MAPK8: variants seen among roughly 807,000 people sequenced by gnomAD.
MAPK8 encodes the protein mitogen-activated protein kinase 8.
Under a neutral mutation model 52.9 loss-of-function variants are expected in MAPK8, and 13 were observed. That is an observed-to-expected ratio of 0.25 (90% CI 0.16 to 0.39). MAPK8 has a LOEUF of 0.39. MAPK8 is among the 10% of genes least tolerant of loss of function. The pLI is 1.00. For synonymous variants in MAPK8, 191 were observed against 169.8 expected, an observed-to-expected ratio of 1.12 and a Z score of -0.97; for missense variants, 300 against 519.2, an observed-to-expected ratio of 0.58 and a Z score of 4.10.
chr10:48,329,527 A>T (rs1254247890), intron 1 of MAPK8, among the ~76,000 whole-genome samples: 5 of 152,204 alleles, frequency 3.3e-5, no homozygotes, highest in African/African-American at 1.2e-4. Flanking sequence ...TAAAAAAAAA[A>T]TTAAATTCAT....
intron 1 of MAPK8, among the ~76,000 whole-genome samples, chr10:48,363,664 G>A (rs1384496765): frequency 6.6e-6 from 1 of 152,168 alleles, no homozygotes; most frequent in Non-Finnish European, 1.5e-5. Flanking sequence ...GCAGTAGGAC[G>A]TTTTTCTTAC....
At chr10:48,311,721 G>A (rs920978231) in intron 1 of MAPK8, among the ~76,000 whole-genome samples, 1 of 152,138 alleles carries the variant, frequency 6.6e-6, no homozygotes, top group African/African-American at 2.4e-5. Flanking sequence ...AAAAATGAGG[G>A]AGATTATTTA....
intron 1 of MAPK8, among the ~76,000 whole-genome samples, chr10:48,339,600 A>G (rs1018989054): frequency 3.3e-5 from 5 of 152,210 alleles, no homozygotes; most frequent in African/African-American, 1.2e-4. Context: ...GAGCTTCTGC[A>G]CAGCAAAAGA....
rs756498386 is a variant in MAPK8, at chr10:48,431,250, G to T, written c.1118G>T (p.Arg373Leu). Reference protein sequence around the residue: ...LEERTKNGVIRGQPSPLGAAV... With the variant: ...LEERTKNGVILGQPSPLGAAV... Reference sequence around the variant, plus strand: ...GAGAGAACCAAGAATGGAGTTATACGGGGGCAGCCCTCTCCTTTAGGTTGG... The same window carrying T: ...GAGAGAACCAAGAATGGAGTTATACTGGGGCAGCCCTCTCCTTTAGGTTGG... The change falls in exon 11 of 12, where the codon CGG (arginine) becomes CTG (leucine). Residue 373 changes from arginine (R) to leucine (L), a missense_variant. Arg to Leu is a moderately radical substitution (Grantham distance 102). Around this residue, in one of 3 missense-constraint regions of MAPK8, gnomAD observed 119 missense variants for 154.4 expected, o/e 0.77. Transcript: ENST00000374189. 2 of 1,611,078 alleles carry T rather than the reference G, an allele frequency of 1.2e-6. No individual in the cohort carries two copies. Among genetic ancestry groups the T allele is most frequent in the Non-Finnish European group, 1.7e-6 (2 of 1,177,440 alleles).
At chr10:48,380,099 G>A (rs894449661) in intron 1 of MAPK8, among the ~76,000 whole-genome samples, 17 of 151,906 alleles carry the variant, frequency 1.1e-4, no homozygotes, top group African/African-American at 2.2e-4. Context: ...AAAATTAGCC[G>A]GGCATGGTGG....
intron 1 of MAPK8, among the ~76,000 whole-genome samples, chr10:48,373,280 A>C (rs1448870226): frequency 1.3e-5 from 2 of 152,076 alleles, no homozygotes; most frequent in Non-Finnish European, 2.9e-5. Context: ...CACTGCAAAA[A>C]CATACCAAAT....
chr10:48,338,613 A>G (rs1844929108), intron 1 of MAPK8, among the ~76,000 whole-genome samples: 1 of 152,140 alleles, frequency 6.6e-6, no homozygotes, highest in Non-Finnish European at 1.5e-5. Context: ...AGATGTCCAA[A>G]TAGGCAAAGA....
Position 48,355,341 on chromosome 10 carries a change from C to T in MAPK8, c.-49-46271C>T, listed in dbSNP as rs1291637774. The stretch of plus-strand genomic sequence containing the variant: ...TGGCTAACACGGCGAAACCCCATCT[C>T]TACTAAAAATACAAAAAATTAGCCG... On this transcript the variant is annotated intron_variant, in intron 1 of 11. Coordinates refer to ENST00000374189, the MANE Select transcript of MAPK8 (RefSeq NM_001323329.2). Among the ~76,000 whole-genome samples the T allele has an allele frequency of 9.2e-5, 14 of 152,168 alleles. No homozygotes were observed. In the East Asian group the frequency reaches 2.7e-3, roughly 29 times the overall value.
intron 1 of MAPK8, among the ~76,000 whole-genome samples, chr10:48,369,069 A>G (rs567561800): frequency 6.6e-6 from 1 of 152,118 alleles, no homozygotes; most frequent in Non-Finnish European, 1.5e-5. Flanking sequence ...TTCAAAGCCA[A>G]CCCCTCTCAC....
chr10:48,307,790 A>G (rs1485200119), intron 1 of MAPK8, among the ~76,000 whole-genome samples: 3 of 152,188 alleles, frequency 2.0e-5, no homozygotes, highest in Admixed American at 1.3e-4. Context: ...CTCCTTGGCA[A>G]TTAGAACATC....
rs535610397 is a variant in MAPK8, at chr10:48,410,743, C to T, written c.450+575C>T. On this transcript the variant is annotated intron_variant, in intron 5 of 11. Coordinates refer to ENST00000374189, the MANE Select transcript of MAPK8 (RefSeq NM_001323329.2). ...CAGTGACTGCACTATTTTACATTCCCACTAGCAGTGTATGCGGGTTCCAGT... is the reference window on the plus strand; with the variant it reads ...CAGTGACTGCACTATTTTACATTCCTACTAGCAGTGTATGCGGGTTCCAGT... Among the ~76,000 whole-genome samples the T allele has an allele frequency of 2.4e-4, 37 of 152,200 alleles. 1 individual carries two copies. Among genetic ancestry groups the T allele is most frequent in the Admixed American group, 6.5e-4 (10 of 15,278 alleles).
Position 48,438,092 on chromosome 10 carries a change from AAC to A in MAPK8, c.*3065_*3066del, listed in dbSNP as rs973936323. On this transcript the variant is annotated 3_prime_UTR_variant, in exon 12 of 12. Coordinates refer to ENST00000374189, the MANE Select transcript of MAPK8 (RefSeq NM_001323329.2). The stretch of plus-strand genomic sequence containing the variant: ...CGCCTGCACAACATTTTGAGGTTAG[AAC>A]ATAGAATATTTTCAGAAATACTGTT... The A allele has an allele frequency of 2.0e-5, 3 of 152,238 alleles. No homozygotes were observed. Among genetic ancestry groups the A allele is most frequent in the Admixed American group, 1.3e-4 (2 of 15,288 alleles). The allele number at this position is 152,238 out of a possible 1,614,324, so 9.4% of individuals were successfully genotyped here. A position where few individuals can be genotyped will look rare whatever the true frequency, so the allele number is the denominator to read the frequency against.
chr10:48,410,266 TCA>T, intron 5 of MAPK8, 98 bp downstream of exon 5: 1 of 1,026,954 alleles, frequency 9.7e-7, no homozygotes, highest in Non-Finnish European at 1.4e-6. Flanking sequence ...TTTAGTACAT[TCA>T]CAGTGCTGTA....
In MAPK8 at chr10:48,434,978, TACAG is replaced by T. The variant is rs2044735444; in HGVS notation, c.1238_1241del (p.Asp413AlafsTer3). The T allele has an allele frequency of 1.4e-6, 2 of 1,425,108 alleles. No homozygotes were observed. Among genetic ancestry groups the T allele is most frequent in the African/African-American group, 1.5e-5 (1 of 65,256 alleles). 88.3% of individuals were successfully genotyped at this position (1,425,108 alleles called of 1,614,324 possible). On this transcript the variant is annotated frameshift_variant, in exon 12 of 12. Transcript: ENST00000374189. LOFTEE classifies it high-confidence loss of function. ...CAACAGATCCGACTTTGGCCTCTGA[TACAG>T]ACAGCAGTCTAGAAGCAGCAGCTGG...
intron 2 of MAPK8, 116 bp downstream of exon 2, chr10:48,401,898 T>C (rs893071912): frequency 1.2e-6 from 1 of 847,174 alleles, no homozygotes; most frequent in Non-Finnish European, 1.7e-6. Flanking sequence ...AAATTAAAAC[T>C]AAAAATTAAA....
At chr10:48,422,328 C>G (rs2043415320) in intron 6 of MAPK8, among the ~76,000 whole-genome samples, 3 of 152,132 alleles carry the variant, frequency 2.0e-5, no homozygotes. Flanking sequence ...GCCACAACGC[C>G]TGGCCTCCCA....
chr10:48,421,968 T>A (rs949913646), intron 6 of MAPK8, among the ~76,000 whole-genome samples: 3 of 151,932 alleles, frequency 2.0e-5, no homozygotes, highest in Non-Finnish European at 4.4e-5. Flanking sequence ...CATAAGTACT[T>A]CCTCCTTTTA....
At chr10:48,328,296 C>T (rs555802202) in intron 1 of MAPK8, among the ~76,000 whole-genome samples, 101 of 149,404 alleles carry the variant, frequency 6.8e-4, no homozygotes, top group Non-Finnish European at 1.3e-3. Context: ...TTTCAATGAG[C>T]CAGCTTTTTT....
At chr10:48,396,664 A>G (rs1419867465) in intron 1 of MAPK8, among the ~76,000 whole-genome samples, 1 of 152,220 alleles carries the variant, frequency 6.6e-6, no homozygotes, top group African/African-American at 2.4e-5. Context: ...CATAGCCAGC[A>G]AGGGGTGAAT....
Sources: allele counts gnomAD v4.1 joint callset (sites outside exome capture counted in the v4.1 genomes callset), GRCh38; gene constraint gnomAD v4.1.1; regional missense constraint gnomAD v4.1.1; transcripts MANE v1.5; gene names NCBI Gene and HGNC (gene_info 2026-07-23, HGNC 2026-07-21).